The following SCML2 variants were observed in gnomAD, a reference collection of about 807,000 sequenced individuals.
SCML2 encodes the protein Scm polycomb group protein like 2, also known as sex comb on midleg-like protein 2.
A neutral mutation model predicts 48.4 loss-of-function variants in SCML2; 6 were observed. The ratio of observed to expected loss-of-function variants is 0.12; its 90% CI spans 0.07 to 0.24. The LOEUF is 0.24. Among genes scored for constraint, SCML2 ranks in the 10% least tolerant of loss-of-function variants. SCML2 has a pLI of 1.00. For missense variants in SCML2, 377 were observed against 528.2 expected, an observed-to-expected ratio of 0.71 and a Z score of 2.81; for synonymous variants, 181 against 189.5, an observed-to-expected ratio of 0.95 and a Z score of 0.37.
chrX:18,313,025 G>C (rs1341962123), intron 6 of SCML2, among the ~76,000 whole-genome samples: 1 of 108,561 alleles, frequency 9.2e-6, no homozygotes, highest in Non-Finnish European at 1.9e-5. Flanking sequence ...GTGTGTGTAT[G>C]TGTATTCTGT....
intron 7 of SCML2, among the ~76,000 whole-genome samples, chrX:18,268,974 T>C (rs1401511983): frequency 5.4e-5 from 6 of 111,151 alleles, no homozygotes; most frequent in Non-Finnish European, 1.1e-4. Context: ...TACCTCCCTG[T>C]TTCTGATACA....
chrX:18,265,845 T>C, intron 7 of SCML2, 43 bp from the exon 8 acceptor site: 4 of 973,308 alleles, frequency 4.1e-6, no homozygotes, highest in Non-Finnish European at 5.7e-6. Context: ...AATGACACAA[T>C]TAAGGCATTG....
intron 1 of SCML2, among the ~76,000 whole-genome samples, chrX:18,340,027 C>T (rs1333206842): frequency 1.8e-5 from 2 of 111,797 alleles, no homozygotes; most frequent in African/African-American, 6.5e-5. Context: ...TTCCATATAT[C>T]GATAATCTTC....
chrX:18,272,847 CTACACTCTCCCCAGCTAA>C (rs1569144653), intron 7 of SCML2, among the ~76,000 whole-genome samples: 1 of 111,683 alleles, frequency 9.0e-6, no homozygotes, highest in African/African-American at 3.3e-5. Flanking sequence ...TCCTACTTAC[CTACACTCTCCCCAGCTAA>C]TACCTTCTCT....
In SCML2 at chrX:18,324,912, G is replaced by A. The variant is rs757183756; in HGVS notation, c.157C>T (p.Arg53Cys). Residue 53 changes from arginine (R) to cysteine (C), a missense_variant, in exon 4 of 15, where the codon CGT becomes TGT. Arg to Cys is a radical substitution (Grantham distance 180). This residue lies in a region of SCML2 where 61 missense variants were observed against 59.9 expected (regional missense o/e 1.02). Transcript: ENST00000251900. ...GCTACAGAATCTTGGCATACCTGACGGAAGCACTCTGAAGGAGCACTTATA... is the reference window on the plus strand; with the variant it reads ...GCTACAGAATCTTGGCATACCTGACAGAAGCACTCTGAAGGAGCACTTATA... The part of the protein sequence containing the change: ...GSISAPSECF[R>C]QSQIPPVNDF... 6.6e-5 allele frequency: 78 copies of A among 1,185,958 alleles called. No individual in the cohort carries two copies. The highest frequency in any genetic ancestry group is 7.2e-5 in the South Asian group (4 of 55,233).
At chrX:18,270,327 A>G (rs761874413) in intron 7 of SCML2, among the ~76,000 whole-genome samples, 1 of 111,553 alleles carries the variant, frequency 9.0e-6, no homozygotes, top group African/African-American at 3.3e-5. Context: ...GCGCCCGGCC[A>G]AAAATTTTTA....
rs1478443033 is a variant in SCML2 at position 18,240,783 on chromosome X, G to A, written c.*468C>T. ...TATCTGAGAAAAGATGATATCTACA[G>A]GTGCACCTTTAAATTCTCTAGTGAG... On this transcript the variant is annotated 3_prime_UTR_variant, in exon 15 of 15. Transcript: ENST00000251900. 8.9e-6 allele frequency: 1 copy of A among 112,969 alleles called. No homozygotes were observed. Among genetic ancestry groups the A allele is most frequent in the Non-Finnish European group, 1.9e-5 (1 of 53,640 alleles). 9.3% of individuals were successfully genotyped at this position (112,969 alleles called of 1,213,427 possible).
intron 7 of SCML2, among the ~76,000 whole-genome samples, chrX:18,280,103 G>A (rs1464031191): frequency 9.0e-6 from 1 of 111,525 alleles, no homozygotes; most frequent in Non-Finnish European, 1.9e-5. Context: ...AATTTTACAG[G>A]CAGCCAGAAA....
chrX:18,318,356 C>A (rs1274702467), intron 6 of SCML2, among the ~76,000 whole-genome samples: 2 of 112,634 alleles, frequency 1.8e-5, no homozygotes, highest in Non-Finnish European at 3.7e-5. Flanking sequence ...TTTAAAACAA[C>A]AATCAATTCT....
chrX:18,250,370 G>A (rs1421931348), intron 11 of SCML2, among the ~76,000 whole-genome samples: 1 of 108,391 alleles, frequency 9.2e-6, no homozygotes, highest in African/African-American at 3.4e-5. Flanking sequence ...ATGCCACCAC[G>A]CCTGGCTAAT....
In SCML2 at chrX:18,239,811, A is replaced by G. The variant is rs749333010; in HGVS notation, c.*1440T>C. The G allele has an allele frequency of 9.0e-6, 1 of 111,655 alleles. No homozygotes were observed. The highest frequency in any genetic ancestry group is 2.8e-4 in the East Asian group (1 of 3,545). The allele number at this position is 111,655 out of a possible 1,213,427, so 9.2% of individuals were successfully genotyped here. On this transcript the variant is annotated 3_prime_UTR_variant, in exon 15 of 15. Transcript: ENST00000251900. Reference sequence around the variant, plus strand: ...CACCTGAGGTCAGGAGTTTGAGACCAGCCTGACCAACATGGAGAAACCCCA... The same window carrying G: ...CACCTGAGGTCAGGAGTTTGAGACCGGCCTGACCAACATGGAGAAACCCCA...
intron 1 of SCML2, among the ~76,000 whole-genome samples, chrX:18,346,136 A>C (rs1930193811): frequency 9.0e-6 from 1 of 110,773 alleles, no homozygotes; most frequent in Admixed American, 9.7e-5. Flanking sequence ...AGCTGTCTTA[A>C]TTTACACACA....
At chrX:18,247,726 GAA>G (rs1266480980) in intron 12 of SCML2, 41 bp downstream of exon 12, 1 of 977,301 alleles carries the variant, frequency 1.0e-6, no homozygotes. Flanking sequence ...TGGTAGCAGA[GAA>G]ACATTTCTTC....
intron 4 of SCML2, 100 bp downstream of exon 4, chrX:18,324,807 C>G: frequency 1.7e-6 from 1 of 586,215 alleles, no homozygotes. Flanking sequence ...CTACCACAAT[C>G]CCACTATCTC....
intron 1 of SCML2, among the ~76,000 whole-genome samples, chrX:18,337,100 G>A (rs759377416): frequency 4.7e-4 from 51 of 109,314 alleles, no homozygotes; most frequent in Non-Finnish European, 8.8e-4. Flanking sequence ...TCAGGAGTCC[G>A]AGACCAGCCT....
intron 3 of SCML2, among the ~76,000 whole-genome samples, chrX:18,330,003 G>A (rs900493397): frequency 1.8e-5 from 2 of 111,956 alleles, no homozygotes; most frequent in Non-Finnish European, 3.8e-5. Flanking sequence ...GCTTGAACCC[G>A]GAAGGTGGAG....
intron 3 of SCML2, among the ~76,000 whole-genome samples, chrX:18,326,679 C>CAA (rs368286831): frequency 6.9e-5 from 4 of 57,746 alleles, no homozygotes; most frequent in South Asian, 1.8e-3. Flanking sequence ...GACTCCATCT[C>CAA]AAAAAAAAAA....
intron 1 of SCML2, among the ~76,000 whole-genome samples, chrX:18,344,008 C>T (rs1161258252): frequency 1.9e-5 from 2 of 106,435 alleles, no homozygotes; most frequent in Non-Finnish European, 3.9e-5. Flanking sequence ...ACTCTCATTC[C>T]CTATGACTTG....
intron 7 of SCML2, among the ~76,000 whole-genome samples, chrX:18,269,576 T>C (rs1358859028): frequency 1.8e-5 from 2 of 111,708 alleles, no homozygotes; most frequent in African/African-American, 3.3e-5. Flanking sequence ...AAATAAAATG[T>C]TCATTCTCTT....
Sources: gnomAD v4.1 joint callset for allele counts (sites outside exome capture counted in the v4.1 genomes callset) on GRCh38, gnomAD v4.1.1 for gene constraint, gnomAD v4.1.1 regional missense constraint, MANE v1.5 for transcripts, NCBI Gene and HGNC (gene_info 2026-07-23, HGNC 2026-07-21) for gene names.